CFH: variants seen among roughly 807,000 people sequenced by gnomAD.
CFH encodes H factor 1 (complement).
A neutral mutation model predicts 147.3 loss-of-function variants in CFH; 53 were observed. The ratio of observed to expected loss-of-function variants is 0.36; its 90% confidence interval spans 0.29 to 0.45. The LOEUF (loss-of-function observed/expected upper bound fraction) is 0.45. CFH is among the 20% of genes least tolerant of loss of function. The pLI, the probability that CFH is intolerant of heterozygous loss-of-function variation, is 1.00. For missense variants in CFH, 1,380 were observed against 1,498.0 expected (o/e 0.92, Z 1.30); for synonymous variants, 536 against 489.4 (o/e 1.10, Z -1.26).
At chr1:196,723,595 T>C (rs1010111534) in intron 11 of CFH, among the ~76,000 whole-genome samples, 2 of 151,902 alleles carry the variant, frequency 1.3e-5, no homozygotes, top group Non-Finnish European at 2.9e-5. Flanking sequence ...TGCTTGTCAC[T>C]GTTTATGGGA....
chr1:196,679,591 A>T, intron 5 of CFH, 32 bp from the exon 6 acceptor site: 1 of 1,508,018 alleles, frequency 6.6e-7, no homozygotes, highest in Non-Finnish European at 9.2e-7. Flanking sequence ...AATTTGCAAT[A>T]AACATTTTGG....
intron 9 of CFH, among the ~76,000 whole-genome samples, chr1:196,706,410 A>G (rs1191366907): frequency 6.6e-6 from 1 of 152,184 alleles, no homozygotes; most frequent in Non-Finnish European, 1.5e-5. Context: ...GCAAGAAAAA[A>G]AAAATCACTA....
At chr1:196,683,515 A>T (rs1189696979) in intron 6 of CFH, among the ~76,000 whole-genome samples, 1 of 151,732 alleles carries the variant, frequency 6.6e-6, no homozygotes, top group Non-Finnish European at 1.5e-5. Context: ...AGGGGAGGAG[A>T]AATGTAGTAC....
intron 3 of CFH, among the ~76,000 whole-genome samples, 157 bp from the exon 4 acceptor site, chr1:196,675,832 G>A (rs1227189016): frequency 1.3e-5 from 2 of 151,934 alleles, no homozygotes; most frequent in African/African-American, 4.8e-5. Flanking sequence ...AGGAGGAGAA[G>A]GAGGAAGGAA....
Position 196,740,606 on chromosome 1 carries a change from CT to C in CFH, c.2783-3del, listed in dbSNP as rs748791414. The C allele has an allele frequency of 2.1e-3, 2,802 of 1,337,018 alleles. No homozygotes were observed. The highest frequency in any genetic ancestry group is 3.3e-3 in the South Asian group (247 of 74,392). 82.8% of individuals were successfully genotyped at this position (1,337,018 alleles called of 1,614,324 possible). A position where few individuals can be genotyped will look rare whatever the true frequency, so the allele number is the denominator to read the frequency against. ...TGAGTTAGTGAAACCTGAATTCATT[CT>C]TTTTTTTTTAGGCCTTCCTTGTAAA... On this transcript the variant is annotated splice_polypyrimidine_tract_variant and intron_variant, in intron 17 of 21. Coordinates refer to ENST00000367429, the MANE Select transcript of CFH (RefSeq NM_000186.4).
Position 196,673,545 on chromosome 1 carries a change from G to A in CFH, c.245-312G>A, listed in dbSNP as rs191676267. 1,104 of 381,740 alleles carry A rather than the reference G, an allele frequency of 2.9e-3. 4 individuals are homozygous for A. The highest frequency in any genetic ancestry group is 0.012 in the East Asian group (186 of 15,686). The allele number at this position is 381,740 out of a possible 1,614,324, so 23.6% of individuals were successfully genotyped here. A position where few individuals can be genotyped will look rare whatever the true frequency, so the allele number is the denominator to read the frequency against. ...AGAGATGGGGTTTCACCAATGCTGGGCAGGCTGGTCTCGAACTCCTGGCCT... is the reference window on the plus strand; with the variant it reads ...AGAGATGGGGTTTCACCAATGCTGGACAGGCTGGTCTCGAACTCCTGGCCT... On this transcript the variant is annotated intron_variant, in intron 2 of 21. Coordinates refer to ENST00000367429, the MANE Select transcript of CFH (RefSeq NM_000186.4).
At chr1:196,731,133 T>C (rs1669270993) in intron 15 of CFH, among the ~76,000 whole-genome samples, 1 of 151,758 alleles carries the variant, frequency 6.6e-6, no homozygotes, top group Non-Finnish European at 1.5e-5. Flanking sequence ...TTCTGGTTGT[T>C]TTTAAAATTC....
intron 18 of CFH, chr1:196,741,602 A>AT (rs35935657): frequency 0.019 from 7,794 of 408,222 alleles, 464 homozygotes; most frequent in African/African-American, 0.14. Context: ...ATGGACAAAA[A>AT]TAATGTGAAC....
chr1:196,719,355 T>C (rs1668944756), intron 11 of CFH, among the ~76,000 whole-genome samples: 1 of 151,806 alleles, frequency 6.6e-6, no homozygotes, highest in Non-Finnish European at 1.5e-5. Flanking sequence ...CAAACACACA[T>C]ACAAAAAAAA....
At chr1:196,685,335 T>G in intron 7 of CFH, 98 bp downstream of exon 7, 2 of 1,245,944 alleles carry the variant, frequency 1.6e-6, no homozygotes, top group Non-Finnish European at 2.3e-6. Flanking sequence ...TTTGTCTTAT[T>G]GTATATACAA....
At chr1:196,665,827 G>A (rs532231648) in intron 1 of CFH, among the ~76,000 whole-genome samples, 3 of 152,208 alleles carry the variant, frequency 2.0e-5, no homozygotes, top group Non-Finnish European at 2.9e-5. Context: ...GGCTAGTCTC[G>A]AACTCCTGAC....
At chr1:196,707,512 T>A (rs1668619558) in intron 9 of CFH, among the ~76,000 whole-genome samples, 1 of 152,146 alleles carries the variant, frequency 6.6e-6, no homozygotes, top group Non-Finnish European at 1.5e-5. Flanking sequence ...AAAGTCGACA[T>A]CCTGGGGACC....
chr1:196,715,545 T>C, intron 10 of CFH, 48 bp from the exon 11 acceptor site: 4 of 1,413,092 alleles, frequency 2.8e-6, no homozygotes, highest in Non-Finnish European at 4.0e-6. Context: ...ACTCAGATTG[T>C]TTATTAGATG....
intron 9 of CFH, 129 bp downstream of exon 9, chr1:196,690,368 T>C: frequency 7.3e-7 from 1 of 1,377,048 alleles, no homozygotes; most frequent in African/African-American, 1.4e-5. Context: ...TGGACCTATT[T>C]AGTTTTTGGT....
At chr1:196,664,707 A>C (rs1242888876) in intron 1 of CFH, among the ~76,000 whole-genome samples, 1 of 152,168 alleles carries the variant, frequency 6.6e-6, no homozygotes, top group African/African-American at 2.4e-5. Flanking sequence ...GCACATAATT[A>C]AATATTACCC....
Position 196,747,171 on chromosome 1 carries a change from C to A in CFH, c.3554C>A (p.Ala1185Asp). 1 of 1,613,714 alleles carries A rather than the reference C, an allele frequency of 6.2e-7. No individual in the cohort carries two copies. The highest frequency in any genetic ancestry group is 8.5e-7 in the Non-Finnish European group (1 of 1,179,822). The change falls in exon 22 of 22, where the codon GCC becomes GAC. Residue 1185 changes from alanine (A) to aspartate (D), a missense_variant. This residue lies in a region of CFH where 123 missense variants were observed against 185.3 expected (regional missense o/e 0.66). Coordinates refer to ENST00000367429, the MANE Select transcript of CFH (RefSeq NM_000186.4). ...TATAACATAGCATTAAGGTGGACAG[C>A]CAAACAGAAGCTTTATTCGAGAACA... ...ENYNIALRWT[A>D]KQKLYSRTGE...
intron 15 of CFH, among the ~76,000 whole-genome samples, chr1:196,729,215 C>G (rs538218837): frequency 1.3e-5 from 2 of 152,122 alleles, no homozygotes; most frequent in South Asian, 4.1e-4. Context: ...AAAAACTAAT[C>G]TGCTATCAAC....
At chr1:196,659,942 G>A (rs1200780295) in intron 1 of CFH, among the ~76,000 whole-genome samples, 1 of 152,138 alleles carries the variant, frequency 6.6e-6, no homozygotes, top group African/African-American at 2.4e-5. Flanking sequence ...TTCAATTGTG[G>A]GGAGCTTACA....
intron 6 of CFH, among the ~76,000 whole-genome samples, chr1:196,684,178 T>G (rs1667746921): frequency 1.3e-5 from 2 of 151,946 alleles, no homozygotes; most frequent in Non-Finnish European, 2.9e-5. Context: ...GCAGGTAAAA[T>G]ACAACTTGCC....
Sources: gnomAD v4.1 joint callset for allele counts (sites outside exome capture counted in the v4.1 genomes callset) on GRCh38, gnomAD v4.1.1 for gene constraint, gnomAD v4.1.1 regional missense constraint, MANE v1.5 for transcripts, NCBI Gene and HGNC (gene_info 2026-07-23, HGNC 2026-07-21) for gene names.